The following FRMD4A variants were observed in gnomAD, a reference collection of about 807,000 sequenced individuals.
FRMD4A encodes FERM domain-containing protein 4A.
A neutral mutation model predicts 129.1 loss-of-function variants in FRMD4A; 29 were observed. The observed-to-expected ratio is 0.22, with a 90% confidence interval of 0.17 to 0.31. The LOEUF is 0.31. FRMD4A is among the 10% of genes least tolerant of loss of function. The probability of loss-of-function intolerance (pLI) is 1.00; values close to 1 mark genes in which losing one functional copy is unlikely to be tolerated. For missense variants in FRMD4A, 1,272 were observed against 1,375.8 expected (o/e 0.92, Z 1.19); for synonymous variants, 634 against 571.6 (o/e 1.11, Z -1.56).
chr10:13,913,993 TGAGGC>T (rs1373053155), intron 2 of FRMD4A, among the ~76,000 whole-genome samples: 9 of 152,156 alleles, frequency 5.9e-5, no homozygotes, highest in Non-Finnish European at 1.3e-4. Flanking sequence ...GGCTAGCAGG[TGAGGC>T]TTGACTGCCT....
intron 2 of FRMD4A, among the ~76,000 whole-genome samples, chr10:14,222,391 C>T (rs1212116307): frequency 6.6e-6 from 1 of 152,184 alleles, no homozygotes; most frequent in African/African-American, 2.4e-5. Context: ...TTGGCCCCTG[C>T]TGAGCGTACC....
chr10:13,940,047 A>C (rs561397050), intron 2 of FRMD4A, among the ~76,000 whole-genome samples: 13 of 152,216 alleles, frequency 8.5e-5, no homozygotes, highest in Non-Finnish European at 1.9e-4. Context: ...ACCATGAGCC[A>C]TTTGGCTTTA....
intron 3 of FRMD4A, among the ~76,000 whole-genome samples, chr10:13,833,785 G>T (rs573371507): frequency 6.6e-6 from 1 of 152,190 alleles, no homozygotes; most frequent in African/African-American, 2.4e-5. Flanking sequence ...CTATGAGGCA[G>T]ATGTTATTGT....
chr10:13,661,059 T>C (rs1418429228), intron 19 of FRMD4A, among the ~76,000 whole-genome samples: 2 of 152,206 alleles, frequency 1.3e-5, no homozygotes, highest in African/African-American at 4.8e-5. Context: ...AGGGTCTATA[T>C]GTCCATTGTA....
At chr10:14,066,008 T>TGTGTGTGTGTGTGTG (rs1588899002) in intron 2 of FRMD4A, among the ~76,000 whole-genome samples, 1,458 of 139,186 alleles carry the variant, frequency 0.01, 27 homozygotes, top group African/African-American at 0.035. Context: ...GGGTATGTAT[T>TGTGTGTGTGTGTGTG]TGTGTGTGTG....
chr10:13,675,477 C>CTGCAACCT (rs2083901128), intron 15 of FRMD4A, among the ~76,000 whole-genome samples: 1 of 152,198 alleles, frequency 6.6e-6, no homozygotes, highest in Non-Finnish European at 1.5e-5. Flanking sequence ...TCTCGGCTCG[C>CTGCAACCT]TGCAACCTCC....
At chr10:13,694,272 C>A (rs1043456092) in intron 14 of FRMD4A, among the ~76,000 whole-genome samples, 5 of 152,178 alleles carry the variant, frequency 3.3e-5, no homozygotes, top group Non-Finnish European at 5.9e-5. Context: ...TCTAAGCCTC[C>A]GATTCTGTAG....
At chr10:14,292,598 G>A (rs950860632) in intron 2 of FRMD4A, among the ~76,000 whole-genome samples, 1 of 152,224 alleles carries the variant, frequency 6.6e-6, no homozygotes, top group Non-Finnish European at 1.5e-5. Flanking sequence ...AGGAGATTGA[G>A]ATCATCCTGG....
intron 16 of FRMD4A, 70 bp downstream of exon 16, chr10:13,674,841 A>G: frequency 3.4e-6 from 5 of 1,487,832 alleles, no homozygotes; most frequent in East Asian, 2.3e-5. Context: ...AAAAGATCAA[A>G]TGACATCAGA....
At chr10:14,318,982 G>C (rs1261687241) in intron 2 of FRMD4A, among the ~76,000 whole-genome samples, 3 of 152,166 alleles carry the variant, frequency 2.0e-5, no homozygotes, top group African/African-American at 4.8e-5. Flanking sequence ...TTTGGAGCCT[G>C]GGTCACTCTG....
chr10:14,089,221 G>C (rs2131747782), intron 2 of FRMD4A, among the ~76,000 whole-genome samples: 1 of 152,310 alleles, frequency 6.6e-6, no homozygotes, highest in East Asian at 1.9e-4. Context: ...TTTTCCCACA[G>C]GCCCCTGGCG....
Position 14,330,863 on chromosome 10 carries a change from A to C in FRMD4A, c.-348T>G, listed in dbSNP as rs753014430. The C allele has an allele frequency of 5.0e-6, 2 of 398,548 alleles. No individual in the cohort carries two copies. The highest frequency in any genetic ancestry group is 4.4e-5 in the Admixed American group (1 of 22,720). 24.7% of individuals were successfully genotyped at this position (398,548 alleles called of 1,614,324 possible). ...ATACTTAAGAGGAACATGGAATTGCACTGCCTGTTCTGTGAGCGTTCTGAT... is the reference window on the plus strand; with the variant it reads ...ATACTTAAGAGGAACATGGAATTGCCCTGCCTGTTCTGTGAGCGTTCTGAT... On this transcript the variant is annotated 5_prime_UTR_variant, in exon 1 of 25. Coordinates refer to ENST00000357447, the MANE Select transcript of FRMD4A (RefSeq NM_018027.5).
At chr10:13,992,358 T>G (rs1745170668) in intron 2 of FRMD4A, among the ~76,000 whole-genome samples, 1 of 152,222 alleles carries the variant, frequency 6.6e-6, no homozygotes, top group Non-Finnish European at 1.5e-5. Flanking sequence ...TTGACACATC[T>G]AACCGGATTC....
intron 2 of FRMD4A, among the ~76,000 whole-genome samples, chr10:14,158,895 A>G (rs1018839665): frequency 1.3e-5 from 2 of 151,984 alleles, no homozygotes; most frequent in African/African-American, 4.8e-5. Flanking sequence ...TTCCAGAAAA[A>G]TACCCACCAT....
At chr10:14,087,057 CA>C (rs1201857586) in intron 2 of FRMD4A, among the ~76,000 whole-genome samples, 1 of 151,962 alleles carries the variant, frequency 6.6e-6, no homozygotes, top group African/African-American at 2.4e-5. Context: ...GGGGTATGAA[CA>C]CTGGAAACTG....
intron 2 of FRMD4A, among the ~76,000 whole-genome samples, chr10:14,127,112 T>G (rs573531367): frequency 1.1e-4 from 16 of 152,196 alleles, no homozygotes; most frequent in African/African-American, 3.6e-4. Context: ...GCTGGGAAAA[T>G]GGACTGACCA....
At chr10:14,284,421 G>A (rs1845616542) in intron 2 of FRMD4A, among the ~76,000 whole-genome samples, 1 of 152,166 alleles carries the variant, frequency 6.6e-6, no homozygotes, top group East Asian at 1.9e-4. Context: ...GGCCGAGGCG[G>A]ATGGATCACG....
At chr10:13,775,984 G>C (rs1024815646) in intron 6 of FRMD4A, among the ~76,000 whole-genome samples, 1 of 152,204 alleles carries the variant, frequency 6.6e-6, no homozygotes, top group Non-Finnish European at 1.5e-5. Context: ...ATACTACTTG[G>C]ATTAGTCACG....
At chr10:13,945,603 T>A (rs2095325659) in intron 2 of FRMD4A, among the ~76,000 whole-genome samples, 1 of 152,130 alleles carries the variant, frequency 6.6e-6, no homozygotes, top group African/African-American at 2.4e-5. Context: ...TGTCTGCAAA[T>A]CTACCAGGCA....
Sources: gnomAD v4.1 joint callset for allele counts (sites outside exome capture counted in the v4.1 genomes callset) on GRCh38, gnomAD v4.1.1 for gene constraint, MANE v1.5 for transcripts, NCBI Gene and HGNC (gene_info 2026-07-23, HGNC 2026-07-21) for gene names.